The following NCBP1 variants were observed in gnomAD, a reference collection of about 807,000 sequenced individuals.
NCBP1 encodes nuclear cap binding protein subunit 1.
A neutral mutation model predicts 111.7 loss-of-function variants in NCBP1; 16 were observed. The ratio of observed to expected loss-of-function variants is 0.14; its 90% CI spans 0.10 to 0.22. NCBP1 has a LOEUF of 0.22. Ranked by LOEUF, NCBP1 falls within the 10% of genes least tolerant of loss-of-function variation. The probability of loss-of-function intolerance (pLI) is 1.00; values close to 1 mark genes in which losing one functional copy is unlikely to be tolerated. For synonymous variants in NCBP1, 304 were observed against 314.3 expected (o/e 0.97, Z 0.35); for missense variants, 607 against 957.5 (o/e 0.63, Z 4.83).
intron 1 of NCBP1, among the ~76,000 whole-genome samples, chr9:97,635,294 A>C (rs760487814): frequency 2.6e-5 from 4 of 152,236 alleles, no homozygotes; most frequent in Admixed American, 6.5e-5. Context: ...GAGCGAATCC[A>C]GTCCGGGGCT....
At chr9:97,658,097 C>T (rs1827723120) in intron 14 of NCBP1, among the ~76,000 whole-genome samples, 1 of 151,574 alleles carries the variant, frequency 6.6e-6, no homozygotes, top group African/African-American at 2.4e-5. Context: ...TATTTAGGAG[C>T]CAAGATCTGG....
At chr9:97,642,715 T>C (rs1417887960) in intron 3 of NCBP1, among the ~76,000 whole-genome samples, 2 of 152,152 alleles carry the variant, frequency 1.3e-5, no homozygotes, top group African/African-American at 4.8e-5. Flanking sequence ...GCATCTTTTC[T>C]AAACAACTAG....
intron 4 of NCBP1, among the ~76,000 whole-genome samples, chr9:97,644,305 C>A (rs1260010926): frequency 6.6e-6 from 1 of 152,112 alleles, no homozygotes; most frequent in African/African-American, 2.4e-5. Flanking sequence ...CCCATATGCT[C>A]CCCAGCAATA....
rs890654927 is a variant in NCBP1 at position 97,672,550 on chromosome 9, G to A, written c.*1351G>A. 1.5e-4 allele frequency: 23 copies of A among 152,126 alleles called. No individual in the cohort carries two copies. The highest frequency in any genetic ancestry group is 5.1e-4 in the African/African-American group (21 of 41,416). 9.4% of individuals were successfully genotyped at this position (152,126 alleles called of 1,614,324 possible). On this transcript the variant is annotated 3_prime_UTR_variant, in exon 23 of 23. Transcript: ENST00000375147. The stretch of plus-strand genomic sequence containing the variant: ...CCCAGGTTCTTGGCTAAATGTTTTC[G>A]TTTATACTGTTTATCTTTCCCATTG...
In NCBP1 at chr9:97,672,504, C is replaced by T. The variant is rs1564033283; in HGVS notation, c.*1305C>T. 1 of 152,162 alleles carries T rather than the reference C, an allele frequency of 6.6e-6. No individual in the cohort carries two copies. Among genetic ancestry groups the T allele is most frequent in the African/African-American group, 2.4e-5 (1 of 41,424 alleles). The allele number at this position is 152,162 out of a possible 1,614,324, so 9.4% of individuals were successfully genotyped here. ...ATCCAGAAAAATCCAGGTTGCGTGG[C>T]TGGTTAGTAAAGGACTAAAACCCAG... On this transcript the variant is annotated 3_prime_UTR_variant, in exon 23 of 23. Transcript: ENST00000375147.
At chr9:97,667,950 C>T (rs1828058520) in intron 20 of NCBP1, among the ~76,000 whole-genome samples, 1 of 152,128 alleles carries the variant, frequency 6.6e-6, no homozygotes. Context: ...ACCCACGTGT[C>T]TAGAACATAG....
At chr9:97,668,794 AAC>A (rs1481080026) in intron 20 of NCBP1, 50 bp from the exon 21 acceptor site, 1 of 1,583,682 alleles carries the variant, frequency 6.3e-7, no homozygotes, top group African/African-American at 1.4e-5. Context: ...GAGGAGATTT[AAC>A]ACACTGGAAT....
rs1320278041 is a variant in NCBP1, at chr9:97,654,918, C to T, written c.1209C>T (p.Asp403=). ...QATEMLYMRL[D]TMNTTCVDRF... ...CTGAAATGCTATACATGCGTTTGGA[C>T]ACAATGAACACTACCTGTGTAGACA... is the stretch of plus-strand genomic sequence containing the variant. Residue 403 remains aspartate, a synonymous_variant, in exon 12 of 23, where the codon GAC becomes GAT. Coordinates refer to ENST00000375147, the MANE Select transcript of NCBP1 (RefSeq NM_002486.5). 1 of 1,611,206 alleles carries T rather than the reference C, an allele frequency of 6.2e-7. No homozygotes were observed. Among genetic ancestry groups the T allele is most frequent in the Non-Finnish European group, 8.5e-7 (1 of 1,179,044 alleles).
At chr9:97,636,471 A>G (rs1053081307) in intron 1 of NCBP1, among the ~76,000 whole-genome samples, 28 of 146,024 alleles carry the variant, frequency 1.9e-4, no homozygotes, top group Admixed American at 3.4e-4. Context: ...AGAATGTATT[A>G]TATATATTTA....
At position 97,655,741 on chromosome 9, in the gene NCBP1, G is replaced by T; in HGVS notation, c.1275G>T (p.Gln425His). Residue 425 changes from glutamine (Q) to histidine (H), a missense_variant, in exon 13 of 23, where the codon CAG (glutamine) becomes CAT (histidine). Around this residue, in one of 9 missense-constraint regions of NCBP1, gnomAD observed 3 missense variants for 23.7 expected, o/e 0.13. Coordinates refer to ENST00000375147, the MANE Select transcript of NCBP1 (RefSeq NM_002486.5). ...NWFSHHLSNF[Q>H]FRWSWEDWSD... is the part of the protein sequence containing the mutation. ...TTTCTCATCATCTAAGTAACTTCCA[G>T]TTCCGTTGGAGCTGGGAAGATTGGT... 6.2e-7 allele frequency: 1 copy of T among 1,612,838 alleles called. No homozygotes were observed. The highest frequency in any genetic ancestry group is 8.5e-7 in the Non-Finnish European group (1 of 1,179,640).
intron 19 of NCBP1, among the ~76,000 whole-genome samples, chr9:97,665,187 G>A (rs926185644): frequency 6.6e-6 from 1 of 152,198 alleles, no homozygotes; most frequent in African/African-American, 2.4e-5. Flanking sequence ...GAATTGTTAG[G>A]GTGATAGGGT....
chr9:97,636,637 C>CATATATATATATATAT (rs377027165), intron 1 of NCBP1, among the ~76,000 whole-genome samples: 12 of 111,272 alleles, frequency 1.1e-4, no homozygotes, highest in East Asian at 6.0e-4. Context: ...GAAAGTAATA[C>CATATATATATATATAT]ATATATATAT....
At chr9:97,655,860 A>T in intron 13 of NCBP1, 96 bp downstream of exon 13, 1 of 1,379,630 alleles carries the variant, frequency 7.2e-7, no homozygotes, top group Non-Finnish European at 1.0e-6. Context: ...AATTTCTTGG[A>T]AACTATTTGT....
At chr9:97,669,364 A>G (rs1174404909) in intron 21 of NCBP1, among the ~76,000 whole-genome samples, 1 of 152,204 alleles carries the variant, frequency 6.6e-6, no homozygotes, top group Non-Finnish European at 1.5e-5. Flanking sequence ...TACTAGGATA[A>G]GTAATTTAAG....
chr9:97,635,577 A>AT (rs35533187), intron 1 of NCBP1, among the ~76,000 whole-genome samples: 255 of 148,756 alleles, frequency 1.7e-3, no homozygotes, highest in Middle Eastern at 0.014. Context: ...CGCCCGGCTA[A>AT]TTTTTTTTTT....
At position 97,645,163 on chromosome 9, in the gene NCBP1, C is replaced by T. The variant is rs764615349; in HGVS notation, c.428C>T (p.Pro143Leu). ...GTGAATTGTCATGTGATTGCCGCCC[C>T]ATCAATGGTTGCTATGTTTGAAAAT... ...DLVNCHVIAA[P>L]SMVAMFENFV... is the part of the protein sequence containing the mutation. Residue 143 changes from proline to leucine, a missense_variant, in exon 5 of 23, where the codon CCA becomes CTA. Transcript: ENST00000375147. 1.9e-6 allele frequency: 3 copies of T among 1,613,492 alleles called. No individual in the cohort carries two copies. The highest frequency in any genetic ancestry group is 4.5e-5 in the East Asian group (2 of 44,828).
At chr9:97,663,578 G>A (rs762823627) in intron 18 of NCBP1, among the ~76,000 whole-genome samples, 2 of 151,774 alleles carry the variant, frequency 1.3e-5, no homozygotes, top group African/African-American at 4.8e-5. Flanking sequence ...TCCGCCTCCC[G>A]GGTTCAAGTG....
At chr9:97,671,027 C>T in intron 22 of NCBP1, 59 bp from the exon 23 acceptor site, 1 of 1,158,252 alleles carries the variant, frequency 8.6e-7, no homozygotes, top group Non-Finnish European at 1.3e-6. Context: ...AGGAAATGTT[C>T]CACAAGATTG....
chr9:97,660,483 T>C (rs1442951098), intron 15 of NCBP1, among the ~76,000 whole-genome samples: 2 of 152,278 alleles, frequency 1.3e-5, no homozygotes, highest in East Asian at 1.9e-4. Flanking sequence ...CTCTCTGAAG[T>C]TGGCAGCCAT....
Sources: allele counts gnomAD v4.1 joint callset (sites outside exome capture counted in the v4.1 genomes callset), GRCh38; gene constraint gnomAD v4.1.1; regional missense constraint gnomAD v4.1.1; transcripts MANE v1.5; gene names NCBI Gene and HGNC (gene_info 2026-07-23, HGNC 2026-07-21).